CNTN5: variants seen among roughly 807,000 people sequenced by gnomAD.
CNTN5 encodes contactin-5.
CNTN5 carries 77 observed loss-of-function variants against 129.1 expected under a neutral mutation model. The observed-to-expected ratio is 0.60, with a 90% confidence interval of 0.50 to 0.72. The LOEUF is 0.72. Among genes scored for constraint, CNTN5 ranks in the 30% least tolerant of loss-of-function variants. CNTN5 has a pLI of 0.00. For missense variants in CNTN5, 1,478 were observed against 1,328.8 expected (o/e 1.11, Z -1.75); for synonymous variants, 509 against 465.6 (o/e 1.09, Z -1.20).
chr11:99,704,457 A>C (rs541086891), intron 3 of CNTN5, among the ~76,000 whole-genome samples: 9 of 151,280 alleles, frequency 5.9e-5, no homozygotes, highest in African/African-American at 2.2e-4. Context: ...AGGTTACAAA[A>C]ACCAAACAAA....
intron 3 of CNTN5, among the ~76,000 whole-genome samples, chr11:99,585,993 C>T (rs918887753): frequency 6.6e-6 from 1 of 151,992 alleles, no homozygotes; most frequent in African/African-American, 2.4e-5. Flanking sequence ...CAGTCAGCTA[C>T]CGTGTTAGTT....
intron 17 of CNTN5, among the ~76,000 whole-genome samples, chr11:100,263,741 T>G (rs1950248646): frequency 6.6e-6 from 1 of 152,176 alleles, no homozygotes; most frequent in South Asian, 2.1e-4. Context: ...ATTCTTAGTA[T>G]GACAGCTTAA....
At chr11:99,748,096 G>GCT (rs879064945) in intron 3 of CNTN5, among the ~76,000 whole-genome samples, 1 of 152,064 alleles carries the variant, frequency 6.6e-6, no homozygotes, top group Admixed American at 6.6e-5. Flanking sequence ...TTAATGTGCT[G>GCT]CTGAATTGAG....
At chr11:100,172,857 C>T (rs1413187218) in intron 13 of CNTN5, among the ~76,000 whole-genome samples, 1 of 152,008 alleles carries the variant, frequency 6.6e-6, no homozygotes, top group Admixed American at 6.6e-5. Flanking sequence ...ATCCTGAATG[C>T]AGTGGGGAGC....
chr11:99,935,576 AT>A (rs1437630162), intron 7 of CNTN5, among the ~76,000 whole-genome samples: 3 of 151,976 alleles, frequency 2.0e-5, no homozygotes, highest in Non-Finnish European at 4.4e-5. Context: ...GTGTGTATGT[AT>A]GTATATATAT....
chr11:100,030,226 A>T (rs201401179), intron 9 of CNTN5, among the ~76,000 whole-genome samples: 17 of 144,304 alleles, frequency 1.2e-4, no homozygotes, highest in Non-Finnish European at 1.2e-4. Context: ...AAAAAAAAAA[A>T]TTAAAGACTA....
chr11:99,252,895 C>T (rs771201493), intron 1 of CNTN5, among the ~76,000 whole-genome samples: 2 of 151,012 alleles, frequency 1.3e-5, no homozygotes, highest in Admixed American at 6.6e-5. Flanking sequence ...ATGGTTTGTA[C>T]ATTTTGTGTC....
At chr11:99,673,018 G>A (rs191720027) in intron 3 of CNTN5, among the ~76,000 whole-genome samples, 1 of 152,218 alleles carries the variant, frequency 6.6e-6, no homozygotes, top group African/African-American at 2.4e-5. Flanking sequence ...TACTCAGGGA[G>A]CCTTACAGAA....
At chr11:100,151,563 C>T (rs1409946082) in intron 13 of CNTN5, among the ~76,000 whole-genome samples, 1 of 152,090 alleles carries the variant, frequency 6.6e-6, no homozygotes, top group Non-Finnish European at 1.5e-5. Context: ...GGGCAAGCAA[C>T]CCGGTACATC....
intron 3 of CNTN5, among the ~76,000 whole-genome samples, chr11:99,615,655 C>A (rs1307432083): frequency 6.6e-6 from 1 of 152,098 alleles, no homozygotes; most frequent in African/African-American, 2.4e-5. Flanking sequence ...CTAGTTACCC[C>A]TACTGGTATT....
intron 3 of CNTN5, among the ~76,000 whole-genome samples, chr11:99,570,776 T>G (rs1374970856): frequency 1.3e-5 from 2 of 152,040 alleles, no homozygotes; most frequent in Non-Finnish European, 2.9e-5. Flanking sequence ...TGGAATAAAA[T>G]GATAGTGAGT....
At chr11:100,135,829 T>G (rs1946505667) in intron 13 of CNTN5, among the ~76,000 whole-genome samples, 1 of 152,102 alleles carries the variant, frequency 6.6e-6, no homozygotes, top group Non-Finnish European at 1.5e-5. Context: ...GGGTTTATGA[T>G]CTCTTGTTTC....
intron 3 of CNTN5, among the ~76,000 whole-genome samples, chr11:99,786,120 C>G (rs1004399145): frequency 1.3e-5 from 2 of 152,034 alleles, no homozygotes; most frequent in African/African-American, 2.4e-5. Flanking sequence ...CGTCTCAGCC[C>G]CAAATCTCCT....
At chr11:100,250,275 G>A (rs775512920) in intron 16 of CNTN5, among the ~76,000 whole-genome samples, 17 of 151,878 alleles carry the variant, frequency 1.1e-4, no homozygotes, top group Non-Finnish European at 1.8e-4. Flanking sequence ...TCGCATCTCC[G>A]TCTAATATAA....
intron 2 of CNTN5, among the ~76,000 whole-genome samples, chr11:99,539,986 A>C (rs1417656159): frequency 6.6e-6 from 1 of 152,132 alleles, no homozygotes; most frequent in Non-Finnish European, 1.5e-5. Context: ...TACATCCAAT[A>C]TATGCAAAGA....
intron 7 of CNTN5, among the ~76,000 whole-genome samples, chr11:99,922,451 C>T (rs1949963047): frequency 6.6e-6 from 1 of 152,146 alleles, no homozygotes; most frequent in Admixed American, 6.5e-5. Flanking sequence ...GCAATGACTT[C>T]AACAACTGCC....
intron 1 of CNTN5, among the ~76,000 whole-genome samples, chr11:99,065,908 G>A (rs566587144): frequency 6.6e-6 from 1 of 152,080 alleles, no homozygotes; most frequent in African/African-American, 2.4e-5. Flanking sequence ...CAATAGAAGT[G>A]TTTTTAAAAT....
chr11:99,437,778 G>T (rs941489432), intron 2 of CNTN5, among the ~76,000 whole-genome samples: 1 of 152,086 alleles, frequency 6.6e-6, no homozygotes, highest in Non-Finnish European at 1.5e-5. Flanking sequence ...AGCTGAGATC[G>T]CACACTTGCA....
At chr11:99,945,489 CGT>C (rs3990615) in intron 7 of CNTN5, among the ~76,000 whole-genome samples, 25,946 of 148,860 alleles carry the variant, frequency 0.17, 2,583 homozygotes, top group African/African-American at 0.28. Flanking sequence ...AACCTCTGTG[CGT>C]GTGTGTGTGT....
Sources: allele counts gnomAD v4.1 joint callset (sites outside exome capture counted in the v4.1 genomes callset), GRCh38; gene constraint gnomAD v4.1.1; transcripts MANE v1.5; gene names NCBI Gene and HGNC (gene_info 2026-07-23, HGNC 2026-07-21).